UBXN8: variants seen among roughly 807,000 people sequenced by gnomAD.
UBXN8 encodes the protein UBX domain-containing protein 8.
In UBXN8, 27 loss-of-function variants were observed where a neutral mutation model predicts 32.1. The observed-to-expected ratio is 0.84, with a 90% confidence interval of 0.62 to 1.16. The LOEUF is 1.16. Among genes scored for constraint, UBXN8 ranks in the 50% most tolerant of loss-of-function variants. The probability of loss-of-function intolerance (pLI) is 0.00; values close to 1 mark genes in which losing one functional copy is unlikely to be tolerated. For missense variants in UBXN8, 306 were observed against 311.4 expected, an observed-to-expected ratio of 0.98 and a Z score of 0.13; for synonymous variants, 109 against 111.8, an observed-to-expected ratio of 0.98 and a Z score of 0.16.
intron 5 of UBXN8, among the ~76,000 whole-genome samples, chr8:30,759,634 G>A (rs1009776505): frequency 1.6e-4 from 24 of 151,658 alleles, no homozygotes; most frequent in Non-Finnish European, 2.6e-4. Context: ...CTAGGAGTGT[G>A]AGTGACAAAA....
chr8:30,755,405 A>G (rs1266031095), intron 4 of UBXN8, among the ~76,000 whole-genome samples: 1 of 152,040 alleles, frequency 6.6e-6, no homozygotes. Context: ...GCACCCTACC[A>G]TGGACTGCAC....
At chr8:30,750,082 A>C (rs748007909) in intron 1 of UBXN8, among the ~76,000 whole-genome samples, 1 of 152,310 alleles carries the variant, frequency 6.6e-6, no homozygotes, top group South Asian at 2.1e-4. Context: ...TGGAAATGAC[A>C]ACCATCATGA....
At chr8:30,744,745 A>C (rs913954907) in intron 1 of UBXN8, among the ~76,000 whole-genome samples, 1 of 152,148 alleles carries the variant, frequency 6.6e-6, no homozygotes, top group Admixed American at 6.5e-5. Context: ...CCCTAGGTTT[A>C]AATAAGGGGC....
chr8:30,741,879 T>C (rs1231394372), upstream of UBXN8, among the ~76,000 whole-genome samples: 3 of 152,254 alleles, frequency 2.0e-5, no homozygotes, highest in African/African-American at 7.2e-5. Flanking sequence ...TGGGAAATGC[T>C]GGCTTCCCAT....
At position 30,746,891 on chromosome 8, in the gene UBXN8, T is replaced by C. The variant is rs572345238; in HGVS notation, c.88+2614T>C. On this transcript the variant is annotated intron_variant, in intron 1 of 7. Coordinates refer to ENST00000265616, the MANE Select transcript of UBXN8 (RefSeq NM_005671.4). The stretch of plus-strand genomic sequence containing the variant: ...CTGCTTATGGGGTCTATAGTTTAAG[T>C]ACACAAAAAAATCCCAGCACTCTGG... Among the ~76,000 whole-genome samples, 193 of 139,268 alleles carry C rather than the reference T, an allele frequency of 1.4e-3. 31 individuals are homozygous for C. Among genetic ancestry groups the C allele is most frequent in the African/African-American group, 5.2e-3 (186 of 35,964 alleles). The allele number at this position is 139,268 out of a possible 152,430, so 91.4% of individuals were successfully genotyped here.
intron 6 of UBXN8, 123 bp from the exon 7 acceptor site, chr8:30,763,150 A>C (rs1338521584): frequency 1.1e-5 from 10 of 937,728 alleles, no homozygotes; most frequent in Non-Finnish European, 1.2e-5. Context: ...TGCCCTACCT[A>C]TGTCTTTTAA....
At chr8:30,731,305 T>C (rs1331435934), upstream of UBXN8, among the ~76,000 whole-genome samples, 5 of 152,170 alleles carry the variant, frequency 3.3e-5, no homozygotes, top group Admixed American at 6.5e-5. Flanking sequence ...ATACCGGTGC[T>C]GAACATTCGG....
intron 1 of UBXN8, among the ~76,000 whole-genome samples, chr8:30,749,460 C>T (rs1299337305): frequency 6.6e-6 from 1 of 151,474 alleles, no homozygotes; most frequent in Non-Finnish European, 1.5e-5. Flanking sequence ...TTTTCCTCCG[C>T]AAGCATGTAA....
upstream of UBXN8, among the ~76,000 whole-genome samples, chr8:30,731,723 T>C (rs1362807917): frequency 2.0e-5 from 3 of 152,132 alleles, no homozygotes; most frequent in Admixed American, 6.5e-5. Flanking sequence ...CCCGTACTTA[T>C]AGAAGTTAAG....
At chr8:30,735,072 C>T (rs181158106) in intron 1 of UBXN8, among the ~76,000 whole-genome samples, 1 of 152,318 alleles carries the variant, frequency 6.6e-6, no homozygotes, top group Non-Finnish European at 1.5e-5. Flanking sequence ...ATGTTATCTT[C>T]CCTCAACCCA....
At chr8:30,751,273 G>T in intron 1 of UBXN8, 123 bp from the exon 2 acceptor site, 1 of 751,856 alleles carries the variant, frequency 1.3e-6, no homozygotes, top group Non-Finnish European at 2.1e-6. Flanking sequence ...TAGCACTTTG[G>T]GAGGCCAAGG....
intron 4 of UBXN8, 57 bp from the exon 5 acceptor site, chr8:30,756,708 A>G (rs1805670854): frequency 1.3e-6 from 2 of 1,599,726 alleles, no homozygotes; most frequent in Non-Finnish European, 1.7e-6. Context: ...ACAATTGTGA[A>G]TAGAATAAAG....
At chr8:30,760,635 C>T (rs986744160) in intron 5 of UBXN8, among the ~76,000 whole-genome samples, 8 of 151,404 alleles carry the variant, frequency 5.3e-5, no homozygotes, top group Admixed American at 2.0e-4. Context: ...ATAATAGAAG[C>T]AAAATCCTTT....
At chr8:30,759,830 G>A (rs1214925688) in intron 5 of UBXN8, among the ~76,000 whole-genome samples, 1 of 151,256 alleles carries the variant, frequency 6.6e-6, no homozygotes. Flanking sequence ...GGTGGCAGGC[G>A]CCTGTAGTCC....
At chr8:30,744,845 AG>A (rs1421214212) in intron 1 of UBXN8, among the ~76,000 whole-genome samples, 1 of 152,202 alleles carries the variant, frequency 6.6e-6, no homozygotes, top group Non-Finnish European at 1.5e-5. Context: ...TTGGAGGAAA[AG>A]GTGAAGGCCA....
At chr8:30,764,326 G>A (rs372181747) in intron 7 of UBXN8, among the ~76,000 whole-genome samples, 7 of 152,256 alleles carry the variant, frequency 4.6e-5, no homozygotes, top group South Asian at 4.1e-4. Flanking sequence ...ACACACCACC[G>A]TTCCTGGCTA....
chr8:30,754,922 C>A, intron 4 of UBXN8, 135 bp downstream of exon 4: 2 of 1,050,582 alleles, frequency 1.9e-6, no homozygotes, highest in Non-Finnish European at 2.6e-6. Flanking sequence ...TTTTGTTCAG[C>A]ATACTTGTTT....
chr8:30,744,065 G>A, upstream of UBXN8: 4 of 788,514 alleles, frequency 5.1e-6, no homozygotes, highest in Admixed American at 2.3e-5. Context: ...CGACACGGCC[G>A]TCAGTATTTA....
At chr8:30,754,497 C>A in intron 3 of UBXN8, 168 bp from the exon 4 acceptor site, 1 of 805,408 alleles carries the variant, frequency 1.2e-6, no homozygotes, top group Non-Finnish European at 2.0e-6. Context: ...GCTTGCTGTC[C>A]AGCTGTCGGC....
Sources: gnomAD v4.1 joint callset for allele counts (sites outside exome capture counted in the v4.1 genomes callset) on GRCh38, gnomAD v4.1.1 for gene constraint, MANE v1.5 for transcripts, NCBI Gene and HGNC (gene_info 2026-07-23, HGNC 2026-07-21) for gene names.